The following POLN variants were observed in gnomAD, a reference collection of about 807,000 sequenced individuals.
POLN encodes DNA polymerase nu, also known as DNA polymerase N.
A neutral mutation model predicts 113.5 loss-of-function variants in POLN; 108 were observed. The ratio of observed to expected loss-of-function variants is 0.95; its 90% CI spans 0.81 to 1.12. POLN has a LOEUF of 1.12. POLN is among the 50% of genes most tolerant of loss of function. POLN has a pLI of 0.00. For synonymous variants in POLN, 386 were observed against 391.5 expected (o/e 0.99, Z 0.17); for missense variants, 1,097 against 1,077.1 (o/e 1.02, Z -0.26).
At chr4:2,222,010 T>C (rs2108770236) in intron 3 of POLN, among the ~76,000 whole-genome samples, 1 of 152,362 alleles carries the variant, frequency 6.6e-6, no homozygotes, top group African/African-American at 2.4e-5. Context: ...CCCAGCCACC[T>C]TGGGCACGTC....
At chr4:2,225,291 A>G (rs1577786139) in intron 3 of POLN, among the ~76,000 whole-genome samples, 1 of 152,236 alleles carries the variant, frequency 6.6e-6, no homozygotes, top group East Asian at 1.9e-4. Flanking sequence ...TATGTAAAAA[A>G]AAATTTAAGA....
At chr4:2,108,417 C>T (rs1731118987) in intron 19 of POLN, among the ~76,000 whole-genome samples, 1 of 152,074 alleles carries the variant, frequency 6.6e-6, no homozygotes, top group Non-Finnish European at 1.5e-5. Context: ...CAAACCTAGA[C>T]ATATAGTAAG....
At chr4:2,167,146 A>ATAC (rs1732749171) in intron 13 of POLN, among the ~76,000 whole-genome samples, 1 of 152,176 alleles carries the variant, frequency 6.6e-6, no homozygotes, top group Non-Finnish European at 1.5e-5. Flanking sequence ...TGTATCCCAC[A>ATAC]TACTGGATGC....
intron 5 of POLN, among the ~76,000 whole-genome samples, chr4:2,200,445 T>C (rs768141968): frequency 7.2e-5 from 11 of 152,138 alleles, no homozygotes; most frequent in East Asian, 5.8e-4. Context: ...CACAGATCCT[T>C]TGAAGGAAGC....
intron 2 of POLN, among the ~76,000 whole-genome samples, chr4:2,237,422 T>C (rs1036441660): frequency 6.8e-6 from 1 of 147,576 alleles, no homozygotes; most frequent in Non-Finnish European, 1.5e-5. Flanking sequence ...GGCAAGAGAG[T>C]GAGACCTTGT....
intron 3 of POLN, among the ~76,000 whole-genome samples, chr4:2,220,528 C>T (rs540881586): frequency 1.3e-5 from 2 of 152,346 alleles, no homozygotes; most frequent in African/African-American, 4.8e-5. Context: ...CATCCACAAC[C>T]TCTGACAGTC....
Position 2,238,629 on chromosome 4 carries a change from C to T in POLN, c.-13+2891G>A, listed in dbSNP as rs766029253. On this transcript the variant is annotated intron_variant, in intron 2 of 25. Transcript: ENST00000511885. ...CTATGAGTAGAATAATCCTTAGTAT[C>T]AATGGTATTCCTTGGATTTATCTGT... 4 of 1,604,350 alleles carry T rather than the reference C, an allele frequency of 2.5e-6. No homozygotes were observed. In the Admixed American group the frequency reaches 5.0e-5, roughly 20 times the overall value.
At chr4:2,205,693 TGAA>T (rs1458484769) in intron 5 of POLN, among the ~76,000 whole-genome samples, 2 of 152,060 alleles carry the variant, frequency 1.3e-5, no homozygotes, top group East Asian at 3.9e-4. Flanking sequence ...GTCAATATGG[TGAA>T]ACCTCGTCTC....
At chr4:2,152,664 C>A (rs1010811581) in intron 16 of POLN, among the ~76,000 whole-genome samples, 16 of 150,648 alleles carry the variant, frequency 1.1e-4, no homozygotes, top group African/African-American at 3.9e-4. Flanking sequence ...ATAGTATTTT[C>A]TTAAATAGTG....
At chr4:2,197,742 T>A (rs1252028998) in intron 6 of POLN, among the ~76,000 whole-genome samples, 1 of 152,188 alleles carries the variant, frequency 6.6e-6, no homozygotes, top group Non-Finnish European at 1.5e-5. Flanking sequence ...CCCCAAAAGT[T>A]ACCTAAAATC....
intron 16 of POLN, among the ~76,000 whole-genome samples, chr4:2,138,879 G>T (rs1731924882): frequency 2.6e-5 from 4 of 151,280 alleles, no homozygotes; most frequent in African/African-American, 9.7e-5. Flanking sequence ...GGGCAACAGA[G>T]TGAGACTCTG....
chr4:2,103,149 A>G (rs1005530819), intron 19 of POLN, among the ~76,000 whole-genome samples: 1 of 152,200 alleles, frequency 6.6e-6, no homozygotes. Context: ...ATGCAAGAGA[A>G]ATCTGGAAAA....
intron 19 of POLN, among the ~76,000 whole-genome samples, chr4:2,101,843 G>A (rs537596557): frequency 6.6e-6 from 1 of 152,346 alleles, no homozygotes; most frequent in South Asian, 2.1e-4. Flanking sequence ...CCTGGGAACT[G>A]AGCAGGACGA....
Position 2,157,701 on chromosome 4 carries a change from C to T in POLN, c.1665+157G>A, listed in dbSNP as rs11930720. ...TCCTGACACTGCACTCCAGCCCGGG[C>T]GACAGTGCAAGACTCTGTCTCAAAA... On this transcript the variant is annotated intron_variant, in intron 15 of 25. Coordinates refer to ENST00000511885, the MANE Select transcript of POLN (RefSeq NM_181808.4). 7.0e-3 allele frequency among the ~76,000 whole-genome samples: 813 copies of T among 115,640 alleles called. 9 individuals carry two copies. The highest frequency in any genetic ancestry group is 0.018 in the African/African-American group (543 of 29,450). 75.9% of individuals were successfully genotyped at this position (115,640 alleles called of 152,430 possible).
At chr4:2,189,530 T>C (rs548373901) in intron 7 of POLN, among the ~76,000 whole-genome samples, 3 of 150,420 alleles carry the variant, frequency 2.0e-5, no homozygotes, top group South Asian at 2.1e-4. Flanking sequence ...TCCCAGCTAC[T>C]TGGGAGGCTG....
At chr4:2,210,637 A>G (rs1577774742) in intron 4 of POLN, among the ~76,000 whole-genome samples, 1 of 145,798 alleles carries the variant, frequency 6.9e-6, no homozygotes, top group African/African-American at 2.5e-5. Flanking sequence ...TAATAAAAAA[A>G]AGAGGCCGGG....
chr4:2,114,264 A>G (rs959501957), intron 19 of POLN, among the ~76,000 whole-genome samples: 19 of 152,108 alleles, frequency 1.2e-4, no homozygotes, highest in Admixed American at 5.2e-4. Flanking sequence ...ATAAAAATAT[A>G]TAAAATAAAC....
intron 19 of POLN, among the ~76,000 whole-genome samples, chr4:2,112,902 T>C (rs1276459073): frequency 2.0e-5 from 3 of 152,076 alleles, no homozygotes; most frequent in African/African-American, 7.2e-5. Context: ...ACCCAAAGGA[T>C]TAGAAATCAT....
intron 3 of POLN, among the ~76,000 whole-genome samples, chr4:2,224,622 A>G (rs1248239044): frequency 1.3e-5 from 2 of 152,152 alleles, no homozygotes; most frequent in Non-Finnish European, 2.9e-5. Context: ...TACACCTGGT[A>G]GTGCAGTAGG....
Sources: allele counts gnomAD v4.1 joint callset (sites outside exome capture counted in the v4.1 genomes callset), GRCh38; gene constraint gnomAD v4.1.1; transcripts MANE v1.5; gene names NCBI Gene and HGNC (gene_info 2026-07-23, HGNC 2026-07-21).